The following FYCO1 variants were observed in gnomAD, a reference collection of about 807,000 sequenced individuals.
FYCO1 encodes the protein FYVE and coiled-coil domain autophagy adaptor 1.
FYCO1 carries 122 observed loss-of-function variants against 165.1 expected under a neutral mutation model. The observed-to-expected ratio is 0.74, with a 90% CI of 0.64 to 0.86. The LOEUF (loss-of-function observed/expected upper bound fraction) is 0.86, where lower values mean the gene tolerates loss of function less well. FYCO1 is among the 40% of genes least tolerant of loss of function. The pLI, the probability that FYCO1 is intolerant of heterozygous loss-of-function variation, is 0.00. For missense variants in FYCO1, 1,702 were observed against 1,810.3 expected (o/e 0.94, Z 1.09); for synonymous variants, 648 against 742.5 (o/e 0.87, Z 2.07).
In FYCO1 at chr3:45,953,386, C is replaced by T. The variant is rs142965979; in HGVS notation, c.3944+1863G>A. ...TTCTTGAGGTTCTGAACAGCCAGTGCTTTTTTGTAAACTGCTCTAAAGCCA... is the reference window on the plus strand; with the variant it reads ...TTCTTGAGGTTCTGAACAGCCAGTGTTTTTTTGTAAACTGCTCTAAAGCCA... On this transcript the variant is annotated intron_variant, in intron 14 of 17. Coordinates refer to ENST00000296137, the MANE Select transcript of FYCO1 (RefSeq NM_024513.4). Among the ~76,000 whole-genome samples, 620 of 152,290 alleles carry T rather than the reference C, an allele frequency of 4.1e-3. 6 individuals carry two copies. The highest frequency in any genetic ancestry group is 0.013 in the African/African-American group (550 of 41,552).
intron 4 of FYCO1, among the ~76,000 whole-genome samples, chr3:45,975,638 T>C (rs907488914): frequency 1.3e-5 from 2 of 152,234 alleles, no homozygotes; most frequent in African/African-American, 4.8e-5. Context: ...GTGGATTCTA[T>C]TGGAATGTCA....
In FYCO1 at chr3:45,931,160, T is replaced by C; in HGVS notation, c.4162A>G (p.Ile1388Val). The change falls in exon 16 of 18, where the codon ATC becomes GTC. Residue 1388 changes from isoleucine (I) to valine (V), a missense_variant. Coordinates refer to ENST00000296137, the MANE Select transcript of FYCO1 (RefSeq NM_024513.4). ...PITVAEAGLT[I>V]SWVFSSDPKS... is the part of the protein sequence containing the mutation. ...GGGTCAGAGGAGAAGACCCAGCTGA[T>C]GGTGAGGCCTGCCTCGGCCACAGTG... 1 of 1,614,006 alleles carries C rather than the reference T, an allele frequency of 6.2e-7. No homozygotes were observed. Among genetic ancestry groups the C allele is most frequent in the South Asian group, 1.1e-5 (1 of 91,070 alleles).
Position 45,981,608 on chromosome 3 carries a change from A to T in FYCO1, c.124T>A (p.Leu42Met), listed in dbSNP as rs748287654. The T allele has an allele frequency of 6.2e-7, 1 of 1,613,964 alleles. No homozygotes were observed. Among genetic ancestry groups the T allele is most frequent in the Admixed American group, 1.7e-5 (1 of 60,034 alleles). Residue 42 changes from leucine to methionine, a missense_variant, in exon 3 of 18, where the codon TTG (leucine) becomes ATG (methionine). By Grantham distance (15) the Leu-to-Met change is conservative. Transcript: ENST00000296137. ...TCAAGTTTATAAGAAAATTTATGCA[A>T]GCTGGTGCTGTCATCCGTGATGGGT... is the stretch of plus-strand genomic sequence containing the variant. Reference protein sequence around the residue: ...GEPITDDSTSLHKFSYKLEYL... With the variant: ...GEPITDDSTSMHKFSYKLEYL...
chr3:45,962,597 A>G lies in FYCO1; in HGVS notation c.3270-205T>C, dbSNP rs1033434730. Among the ~76,000 whole-genome samples the G allele has an allele frequency of 4.6e-5, 7 of 152,186 alleles. No homozygotes were observed. The highest frequency in any genetic ancestry group is 1.7e-4 in the African/African-American group (7 of 41,442). ...TACAAAGGGGCATTCTGGGAGGGAAAGCAGGCTGACCCCAGGTTGCCAGAA... is the reference window on the plus strand; with the variant it reads ...TACAAAGGGGCATTCTGGGAGGGAAGGCAGGCTGACCCCAGGTTGCCAGAA... On this transcript the variant is annotated intron_variant, in intron 10 of 17. Transcript: ENST00000296137. This position sits in a 1 kb window ranked among gnomAD's most constrained non-coding sequence, Gnocchi z 4.4.
At chr3:45,991,799 C>T (rs571080107) in intron 1 of FYCO1, among the ~76,000 whole-genome samples, 3 of 152,230 alleles carry the variant, frequency 2.0e-5, no homozygotes, top group African/African-American at 4.8e-5. Context: ...CACCGCATTT[C>T]GATGTTGAAG....
intron 8 of FYCO1, among the ~76,000 whole-genome samples, chr3:45,965,755 C>T (rs543330011): frequency 6.6e-6 from 1 of 152,324 alleles, no homozygotes; most frequent in South Asian, 2.1e-4. Context: ...ACTGCTGGCC[C>T]TCTGCAGGGG....
Position 45,967,155 on chromosome 3 carries a change from G to A in FYCO1, c.2179C>T (p.His727Tyr). ...CTCTCGAGAGCCCTAAGCTCTCTGT[G>A]CCGGGCTTCTGCCAGTTGCTGGCAC... ...EQCQQLAEAR[H>Y]RELRALESQC... The change falls in exon 8 of 18, where the codon CAC (histidine) becomes TAC (tyrosine). Residue 727 changes from histidine (H) to tyrosine (Y), a missense_variant. By Grantham distance (83) the His-to-Tyr change is moderately conservative (BLOSUM62 2). Coordinates refer to ENST00000296137, the MANE Select transcript of FYCO1 (RefSeq NM_024513.4). The A allele has an allele frequency of 6.2e-7, 1 of 1,613,370 alleles. No homozygotes were observed. Among genetic ancestry groups the A allele is most frequent in the Non-Finnish European group, 8.5e-7 (1 of 1,179,528 alleles).
chr3:45,931,978 T>G (rs955179097), intron 15 of FYCO1, among the ~76,000 whole-genome samples: 2 of 152,206 alleles, frequency 1.3e-5, no homozygotes, highest in African/African-American at 4.8e-5. Flanking sequence ...TCCTCTGTTT[T>G]TGGGGTTCTG....
chr3:45,974,838 C>T (rs1706650873), intron 5 of FYCO1, among the ~76,000 whole-genome samples: 2 of 152,100 alleles, frequency 1.3e-5, no homozygotes, highest in Non-Finnish European at 2.9e-5. Context: ...ACTCAGTATG[C>T]CAGGTGAGGA....
In FYCO1 at chr3:45,962,310, T is replaced by G; in HGVS notation, c.3352A>C (p.Arg1118=). ...KLCQEVTNRE[R]NDQKMLADLD... ...TCAGCAAGCATCTTCTGGTCATTCCTCTCACGATTTGTCACCTCCTGGCAG... is the reference window on the plus strand; with the variant it reads ...TCAGCAAGCATCTTCTGGTCATTCCGCTCACGATTTGTCACCTCCTGGCAG... The change falls in exon 11 of 18, where the codon AGG becomes CGG. Residue 1118 remains arginine, a synonymous_variant. Transcript: ENST00000296137. This position sits in a 1 kb window ranked among gnomAD's most constrained non-coding sequence, Gnocchi z 4.4. 6.2e-7 allele frequency: 1 copy of G among 1,614,206 alleles called. No homozygotes were observed. Among genetic ancestry groups the G allele is most frequent in the Non-Finnish European group, 8.5e-7 (1 of 1,180,026 alleles).
rs1706012877 is a variant in FYCO1, at chr3:45,966,352, C to T, written c.2982G>A (p.Glu994=). The T allele has an allele frequency of 6.2e-7, 1 of 1,614,076 alleles. No homozygotes were observed. Among genetic ancestry groups the T allele is most frequent in the Admixed American group, 1.7e-5 (1 of 60,014 alleles). ...QAEQRAQSLQ[E]AAHQELNTLK... is the part of the protein sequence containing the mutation. Reference sequence around the variant, plus strand: ...GGGTGTTGAGCTCCTGGTGTGCAGCCTCTTGGAGGCTCTGGGCCCGCTGCT... The same window carrying T: ...GGGTGTTGAGCTCCTGGTGTGCAGCTTCTTGGAGGCTCTGGGCCCGCTGCT... The change falls in exon 8 of 18, where the codon GAG becomes GAA. Residue 994 remains glutamate, a synonymous_variant. Coordinates refer to ENST00000296137, the MANE Select transcript of FYCO1 (RefSeq NM_024513.4).
intron 13 of FYCO1, 88 bp from the exon 14 acceptor site, chr3:45,955,481 T>A: frequency 1.4e-5 from 19 of 1,354,586 alleles, no homozygotes; most frequent in Non-Finnish European, 1.8e-5. Context: ...AGTGAGAGAG[T>A]GCAGCTATGC....
rs566756695 is a variant in FYCO1, at chr3:45,927,473, G to A, written c.4251+3598C>T. 2.4e-4 allele frequency among the ~76,000 whole-genome samples: 36 copies of A among 152,268 alleles called. No individual in the cohort carries two copies. In the East Asian group the frequency reaches 5.0e-3, roughly 21 times the overall value. On this transcript the variant is annotated intron_variant, in intron 16 of 17. Coordinates refer to ENST00000296137, the MANE Select transcript of FYCO1 (RefSeq NM_024513.4). The stretch of plus-strand genomic sequence containing the variant: ...ATCAAAAAGGCATGGGAGGGAGAGC[G>A]AGCATTGTGTTCCTAACACAACAGT...
rs1012634067 is a variant in FYCO1, at chr3:45,919,352, C to T, written c.*2413G>A. ...GCTTAAACAGCAACCTAACAAAATACAAATGTCCACCCAGCACAAAAAATA... is the reference window on the plus strand; with the variant it reads ...GCTTAAACAGCAACCTAACAAAATATAAATGTCCACCCAGCACAAAAAATA... On this transcript the variant is annotated 3_prime_UTR_variant, in exon 18 of 18. Transcript: ENST00000296137. The T allele has an allele frequency of 6.6e-6, 1 of 152,208 alleles. No individual in the cohort carries two copies. The highest frequency in any genetic ancestry group is 2.4e-5 in the African/African-American group (1 of 41,460). The allele number at this position is 152,208 out of a possible 1,614,324, so 9.4% of individuals were successfully genotyped here. A position where few individuals can be genotyped will look rare whatever the true frequency, so the allele number is the denominator to read the frequency against.
intron 15 of FYCO1, among the ~76,000 whole-genome samples, chr3:45,935,951 A>G (rs1375179163): frequency 6.6e-6 from 1 of 152,238 alleles, no homozygotes; most frequent in African/African-American, 2.4e-5. Flanking sequence ...ATATGGGAAA[A>G]TACTCATGCT....
rs767726207 is a variant in FYCO1, at chr3:45,979,690, G to A, written c.288+15C>T. On this transcript the variant is annotated intron_variant, in intron 4 of 17. Coordinates refer to ENST00000296137, the MANE Select transcript of FYCO1 (RefSeq NM_024513.4). ...AAAGGACGACATGAAGTTGTTGGCTGCTTGCTCAGCTTACCTCTGAGATAG... is the reference window on the plus strand; with the variant it reads ...AAAGGACGACATGAAGTTGTTGGCTACTTGCTCAGCTTACCTCTGAGATAG... The A allele has an allele frequency of 1.4e-4, 218 of 1,613,322 alleles. 1 individual carries two copies. Among genetic ancestry groups the A allele is most frequent in the Non-Finnish European group, 1.8e-4 (214 of 1,179,532 alleles).
At chr3:45,927,142 GT>G (rs775531891) in intron 16 of FYCO1, among the ~76,000 whole-genome samples, 4 of 152,186 alleles carry the variant, frequency 2.6e-5, no homozygotes, top group South Asian at 4.1e-4. Flanking sequence ...AACATTATGA[GT>G]TTTTTTATTT....
intron 14 of FYCO1, chr3:45,946,292 C>T: frequency 1.8e-6 from 1 of 569,928 alleles, no homozygotes; most frequent in South Asian, 2.3e-5. Flanking sequence ...GAGCAATTTC[C>T]CCTCAGAATT....
chr3:45,966,879 C>A lies in FYCO1; in HGVS notation c.2455G>T (p.Val819Phe), dbSNP rs749304983. The A allele has an allele frequency of 3.1e-6, 5 of 1,613,162 alleles. No individual in the cohort carries two copies. The highest frequency in any genetic ancestry group is 1.7e-5 in the Admixed American group (1 of 60,012). Residue 819 changes from valine (V) to phenylalanine (F), a missense_variant, in exon 8 of 18, where the codon GTC becomes TTC. Physicochemically the swap from Val to Phe is conservative, Grantham distance 50 (BLOSUM62 -1). Coordinates refer to ENST00000296137, the MANE Select transcript of FYCO1 (RefSeq NM_024513.4). ...ACAAGGGTTTTGTGCTCCCTCAGGACGGCCTCAGCCATGCTTAGCTGGCTC... is the reference window on the plus strand; with the variant it reads ...ACAAGGGTTTTGTGCTCCCTCAGGAAGGCCTCAGCCATGCTTAGCTGGCTC... Reference protein sequence around the residue: ...VQSQLSMAEAVLREHKTLVQQ... With the variant: ...VQSQLSMAEAFLREHKTLVQQ...
Sources: gnomAD v4.1 joint callset for allele counts (sites outside exome capture counted in the v4.1 genomes callset) on GRCh38, gnomAD v4.1.1 for gene constraint, Gnocchi (gnomAD v3.1) non-coding constraint, MANE v1.5 for transcripts, NCBI Gene and HGNC (gene_info 2026-07-23, HGNC 2026-07-21) for gene names.